The following MYO1D variants were observed in gnomAD, a reference collection of about 807,000 sequenced individuals.
MYO1D encodes myosin ID.
Under a neutral mutation model 122.0 loss-of-function variants are expected in MYO1D, and 83 were observed. The ratio of observed to expected loss-of-function variants is 0.68; its 90% CI spans 0.57 to 0.82. MYO1D has a LOEUF of 0.82. Ranked by LOEUF, MYO1D falls within the 40% of genes least tolerant of loss-of-function variation. MYO1D has a pLI of 0.00. For missense variants in MYO1D, 1,157 were observed against 1,269.5 expected (o/e 0.91, Z 1.35); for synonymous variants, 464 against 446.9 (o/e 1.04, Z -0.48).
chr17:32,691,831 G>A (rs180673752), intron 16 of MYO1D, among the ~76,000 whole-genome samples: 16 of 152,240 alleles, frequency 1.1e-4, no homozygotes, highest in Admixed American at 9.2e-4. Flanking sequence ...GAAACACATT[G>A]CCAAACTACC....
At chr17:32,653,804 C>G (rs759308838) in intron 19 of MYO1D, 39 bp downstream of exon 19, 10 of 1,549,534 alleles carry the variant, frequency 6.5e-6, no homozygotes, top group South Asian at 1.1e-5. Flanking sequence ...CTGAATCAGT[C>G]TTTCCTTTCC....
intron 20 of MYO1D, among the ~76,000 whole-genome samples, chr17:32,614,074 T>C (rs1218593139): frequency 1.3e-5 from 1 of 74,292 alleles, no homozygotes; most frequent in South Asian, 4.4e-4. Context: ...ATGTTTTAAT[T>C]TTTTTTTTTT....
intron 21 of MYO1D, among the ~76,000 whole-genome samples, chr17:32,503,201 C>T (rs1197045549): frequency 3.3e-5 from 5 of 152,240 alleles, no homozygotes; most frequent in Admixed American, 3.3e-4. Flanking sequence ...CAGGCCACTC[C>T]TGTCCAGAAG....
intron 4 of MYO1D, 129 bp from the exon 5 acceptor site, chr17:32,772,971 C>T: frequency 2.8e-6 from 2 of 718,518 alleles, no homozygotes; most frequent in Middle Eastern, 3.7e-4. Context: ...TGGCCTGAAG[C>T]AACTGAAGAA....
intron 12 of MYO1D, among the ~76,000 whole-genome samples, chr17:32,747,996 CAG>C (rs2089855639): frequency 6.6e-6 from 1 of 152,144 alleles, no homozygotes; most frequent in Admixed American, 6.5e-5. Flanking sequence ...CAGGAACCTC[CAG>C]AGAGAGTGTG....
chr17:32,639,053 A>T (rs944386026), intron 19 of MYO1D, among the ~76,000 whole-genome samples: 1 of 152,246 alleles, frequency 6.6e-6, no homozygotes, highest in African/African-American at 2.4e-5. Context: ...CAGAAGAATT[A>T]AAGGACTAAA....
intron 21 of MYO1D, among the ~76,000 whole-genome samples, chr17:32,506,145 G>T (rs181015210): frequency 3.3e-5 from 5 of 152,246 alleles, no homozygotes; most frequent in Non-Finnish European, 7.3e-5. Flanking sequence ...GAATTGCTGC[G>T]AGACACCTCA....
intron 1 of MYO1D, among the ~76,000 whole-genome samples, chr17:32,809,955 C>T (rs960124275): frequency 7.2e-5 from 11 of 152,178 alleles, no homozygotes; most frequent in Non-Finnish European, 2.9e-5. Flanking sequence ...CTAATTAATG[C>T]TTCCTCTATA....
At chr17:32,632,586 T>TATATATATACAC (rs1480751438) in intron 20 of MYO1D, 1 of 96,570 alleles carries the variant, frequency 1.0e-5, no homozygotes, top group Admixed American at 9.4e-5. Context: ...TATATATATA[T>TATATATATACAC]ACACACACAC....
rs187310794 is a variant in MYO1D, at chr17:32,827,176, G to C, written c.96-46392C>G. Among the ~76,000 whole-genome samples, 420 of 152,308 alleles carry C rather than the reference G, an allele frequency of 2.8e-3. 4 individuals carry two copies. The highest frequency in any genetic ancestry group is 8.7e-3 in the African/African-American group (363 of 41,570). The stretch of plus-strand genomic sequence containing the variant: ...TGGATGAACGGAGAAACAAAATGTG[G>C]TATGAACACACAATGGAATATTATT... On this transcript the variant is annotated intron_variant, in intron 1 of 21. Transcript: ENST00000318217.
intron 16 of MYO1D, among the ~76,000 whole-genome samples, chr17:32,695,141 C>G (rs1358404343): frequency 6.6e-6 from 1 of 151,920 alleles, no homozygotes; most frequent in Non-Finnish European, 1.5e-5. Flanking sequence ...AAAGATTTTC[C>G]ATGCACCGGC....
chr17:32,672,503 T>A (rs941734138), intron 16 of MYO1D, among the ~76,000 whole-genome samples: 1 of 152,200 alleles, frequency 6.6e-6, no homozygotes, highest in African/African-American at 2.4e-5. Context: ...TTTGTTTTTT[T>A]GAGATGGAGT....
chr17:32,679,343 G>C (rs1287455299), intron 16 of MYO1D, among the ~76,000 whole-genome samples: 4 of 151,984 alleles, frequency 2.6e-5, no homozygotes, highest in Non-Finnish European at 5.9e-5. Flanking sequence ...CCACGCCTAT[G>C]TCCTGAATGG....
intron 21 of MYO1D, among the ~76,000 whole-genome samples, chr17:32,501,020 A>AG (rs889020244): frequency 6.6e-6 from 1 of 152,040 alleles, no homozygotes; most frequent in African/African-American, 2.4e-5. Context: ...AAAAAAAAAA[A>AG]AAAGAAAATG....
chr17:32,653,963 A>G lies in MYO1D; in HGVS notation c.2491-16T>C. On this transcript the variant is annotated splice_polypyrimidine_tract_variant and intron_variant, in intron 18 of 21. Transcript: ENST00000318217. Reference sequence around the variant, plus strand: ...TATCTGGCTTCTGAAAGAGAAAGGAAACAAGACAAAATGAGTATGCTTAGC... The same window carrying G: ...TATCTGGCTTCTGAAAGAGAAAGGAGACAAGACAAAATGAGTATGCTTAGC... The G allele has an allele frequency of 6.3e-7, 1 of 1,592,294 alleles. No homozygotes were observed. The highest frequency in any genetic ancestry group is 1.1e-5 in the South Asian group (1 of 90,032).
chr17:32,511,029 G>A (rs1458177077), intron 21 of MYO1D, among the ~76,000 whole-genome samples: 1 of 151,870 alleles, frequency 6.6e-6, no homozygotes, highest in Non-Finnish European at 1.5e-5. Context: ...AAATGAGACA[G>A]CAGTTGTGAG....
chr17:32,502,924 G>A (rs547377424), intron 21 of MYO1D, among the ~76,000 whole-genome samples: 1 of 152,346 alleles, frequency 6.6e-6, no homozygotes, highest in South Asian at 2.1e-4. Flanking sequence ...ATTGGGGAGG[G>A]ATATTTTTTT....
In MYO1D at chr17:32,494,719, C is replaced by G; in HGVS notation, c.*40G>C. The G allele has an allele frequency of 8.4e-6, 13 of 1,544,050 alleles. No homozygotes were observed. Among genetic ancestry groups the G allele is most frequent in the Non-Finnish European group, 1.1e-5 (13 of 1,147,162 alleles). ...AGCAGCTGGACTGGGACCCAGGACT[C>G]GGAGTGTGGCCGGGCTCCGGGCCAG... On this transcript the variant is annotated 3_prime_UTR_variant, in exon 22 of 22. Transcript: ENST00000318217.
chr17:32,570,885 T>C (rs991921954), intron 21 of MYO1D, among the ~76,000 whole-genome samples: 17 of 152,210 alleles, frequency 1.1e-4, no homozygotes, highest in African/African-American at 3.4e-4. Context: ...CTATTAATAC[T>C]ATAGATATGA....
Sources: allele counts gnomAD v4.1 joint callset (sites outside exome capture counted in the v4.1 genomes callset), GRCh38; gene constraint gnomAD v4.1.1; transcripts MANE v1.5; gene names NCBI Gene and HGNC (gene_info 2026-07-23, HGNC 2026-07-21).